Variants in AGMO observed in about 807,000 individuals in gnomAD.
AGMO encodes the protein glyceryl-ether monooxygenase.
Under a neutral mutation model 60.2 loss-of-function variants are expected in AGMO, and 75 were observed. The ratio of observed to expected loss-of-function variants is 1.25; its 90% CI spans 1.03 to 1.51. The LOEUF is 1.51. Among genes scored for constraint, AGMO ranks in the 40% most tolerant of loss-of-function variants. The pLI is 0.00. For missense variants in AGMO, 763 were observed against 525.5 expected (o/e 1.45, Z -4.42); for synonymous variants, 261 against 177.1 (o/e 1.47, Z -3.76).
intron 3 of AGMO, among the ~76,000 whole-genome samples, chr7:15,534,591 G>A (rs77138962): frequency 0.014 from 2,195 of 151,918 alleles, 55 homozygotes; most frequent in African/African-American, 0.05. Context: ...TCATTTTCCT[G>A]TAGAGGCATC....
intron 3 of AGMO, among the ~76,000 whole-genome samples, chr7:15,449,813 C>G (rs569315438): frequency 1.3e-5 from 2 of 152,212 alleles, no homozygotes; most frequent in South Asian, 4.1e-4. Flanking sequence ...TTTTTAGGTA[C>G]TATTACTAAT....
rs539691431 is a variant in AGMO, at chr7:15,355,436, G to T, written c.1263+10078C>A. 3.6e-3 allele frequency among the ~76,000 whole-genome samples: 500 copies of T among 139,522 alleles called. 2 individuals carry two copies. Among genetic ancestry groups the T allele is most frequent in the Non-Finnish European group, 4.2e-3 (278 of 66,580 alleles). 91.5% of individuals were successfully genotyped at this position (139,522 alleles called of 152,430 possible). On this transcript the variant is annotated intron_variant, in intron 12 of 12. Coordinates refer to ENST00000342526, the MANE Select transcript of AGMO (RefSeq NM_001004320.2). ...GAGAACAGCGTGAACCTGGGAGGTGGAGCTTGCAGTGAGCCCAGATCATGC... is the reference window on the plus strand; with the variant it reads ...GAGAACAGCGTGAACCTGGGAGGTGTAGCTTGCAGTGAGCCCAGATCATGC...
chr7:15,561,128 G>C (rs1057337129), intron 1 of AGMO, among the ~76,000 whole-genome samples: 2 of 152,056 alleles, frequency 1.3e-5, no homozygotes, highest in Admixed American at 6.6e-5. Flanking sequence ...ACTTTGATAG[G>C]GTGGGGAACT....
chr7:15,425,703 G>A (rs529206725), intron 4 of AGMO, among the ~76,000 whole-genome samples: 1 of 152,116 alleles, frequency 6.6e-6, no homozygotes, highest in Non-Finnish European at 1.5e-5. Flanking sequence ...GCCTCCCAAA[G>A]TACTGGGATT....
chr7:15,344,690 C>G (rs750584381), intron 12 of AGMO, among the ~76,000 whole-genome samples: 6 of 152,014 alleles, frequency 3.9e-5, no homozygotes, highest in Non-Finnish European at 5.9e-5. Flanking sequence ...AGAGCAAGAT[C>G]CTGTCTCAAA....
Position 15,322,549 on chromosome 7 carries a change from TATATATAAATATATAA to T in AGMO, c.1263+42949_1263+42964del, listed in dbSNP as rs1227938767. Among the ~76,000 whole-genome samples, 55 of 58,892 alleles carry T rather than the reference TATATATAAATATATAA, an allele frequency of 9.3e-4. 1 individual carries two copies. The highest frequency in any genetic ancestry group is 2.5e-3 in the South Asian group (5 of 2,002). 38.6% of individuals were successfully genotyped at this position (58,892 alleles called of 152,430 possible). A position where few individuals can be genotyped will look rare whatever the true frequency, so the allele number is the denominator to read the frequency against. On this transcript the variant is annotated intron_variant, in intron 12 of 12. Transcript: ENST00000342526. Reference sequence around the variant, plus strand: ...ATAAATATATAAATATATATATAAATATATATAAATATATAAATATATATAAATATATATAAATATA... The same window carrying T: ...ATAAATATATAAATATATATATAAATATATATATAAATATATATAAATATA...
chr7:15,366,232 A>C lies in AGMO; in HGVS notation c.1075-10T>G. 2 of 1,594,502 alleles carry C rather than the reference A, an allele frequency of 1.3e-6. No homozygotes were observed. The highest frequency in any genetic ancestry group is 1.7e-6 in the Non-Finnish European group (2 of 1,168,094). On this transcript the variant is annotated splice_polypyrimidine_tract_variant and intron_variant, in intron 10 of 12. Coordinates refer to ENST00000342526, the MANE Select transcript of AGMO (RefSeq NM_001004320.2). ...TAACTTGCGACAGTGCCTGTCAAAC[A>C]AACACGGAGATCAATGGAGCCGTTA...
chr7:15,292,896 T>C (rs2128522811), intron 12 of AGMO, among the ~76,000 whole-genome samples: 1 of 151,740 alleles, frequency 6.6e-6, no homozygotes, highest in Non-Finnish European at 1.5e-5. Context: ...TAGCTGGGAT[T>C]ACAAGCACCC....
At position 15,385,489 on chromosome 7, in the gene AGMO, G is replaced by A; in HGVS notation, c.1031C>T (p.Ala344Val). 1.2e-6 allele frequency: 2 copies of A among 1,612,844 alleles called. No homozygotes were observed. The highest frequency in any genetic ancestry group is 2.2e-5 in the East Asian group (1 of 44,796). The change falls in exon 10 of 13, where the codon GCT (alanine) becomes GTT (valine). Residue 344 changes from alanine (A) to valine (V), a missense_variant. Ala to Val is a moderately conservative substitution (Grantham distance 64). Transcript: ENST00000342526. The stretch of plus-strand genomic sequence containing the variant: ...CTCTTCATAAAATGCCAACATCAGA[G>A]CAAACTGTACAACTGTATATATCTT... Reference protein sequence around the residue: ...LLKIYTVVQFALMLAFYEETF... With the variant: ...LLKIYTVVQFVLMLAFYEETF...
intron 3 of AGMO, among the ~76,000 whole-genome samples, chr7:15,462,799 C>CATAA (rs1319186224): frequency 6.6e-6 from 1 of 151,984 alleles, no homozygotes; most frequent in Non-Finnish European, 1.5e-5. Context: ...TAAATGAATC[C>CATAA]ATGCAAAATA....
intron 2 of AGMO, among the ~76,000 whole-genome samples, chr7:15,547,698 C>A (rs1178749741): frequency 2.0e-5 from 3 of 152,148 alleles, no homozygotes; most frequent in East Asian, 3.9e-4. Flanking sequence ...GCTAGCACAG[C>A]AGTCTGAGAT....
intron 12 of AGMO, among the ~76,000 whole-genome samples, chr7:15,244,915 G>C (rs1384387152): frequency 6.6e-6 from 1 of 152,320 alleles, no homozygotes; most frequent in East Asian, 1.9e-4. Context: ...GTCTCCCAAA[G>C]TGTTGGGATT....
chr7:15,197,632 C>T (rs904302496), downstream of AGMO, among the ~76,000 whole-genome samples: 9 of 152,186 alleles, frequency 5.9e-5, no homozygotes, highest in African/African-American at 2.2e-4. Flanking sequence ...GTCCTGTAGC[C>T]TCTTTCAGAC....
chr7:15,172,473 A>T, the AGMO span, among the ~76,000 whole-genome samples: 1 of 152,218 alleles, frequency 6.6e-6, no homozygotes, highest in African/African-American at 2.4e-5. Context: ...AGTGAGGCAG[A>T]TTCAGTAATC....
chr7:15,515,275 C>A (rs995829031), intron 3 of AGMO, among the ~76,000 whole-genome samples: 1 of 152,210 alleles, frequency 6.6e-6, no homozygotes, highest in Non-Finnish European at 1.5e-5. Flanking sequence ...GACCTCCTTC[C>A]TAATTCACTT....
the AGMO span, among the ~76,000 whole-genome samples, chr7:15,129,319 G>T: frequency 5.2e-4 from 79 of 152,158 alleles, no homozygotes; most frequent in Non-Finnish European, 1.3e-4. Flanking sequence ...CAGCTTCTCA[G>T]TTAACACATA....
intron 12 of AGMO, among the ~76,000 whole-genome samples, chr7:15,288,465 T>C (rs1038970323): frequency 1.3e-5 from 2 of 152,112 alleles, no homozygotes; most frequent in African/African-American, 4.8e-5. Context: ...TACATAAAAA[T>C]GAATCTTTTA....
chr7:15,471,659 G>C (rs1029661931), intron 3 of AGMO, among the ~76,000 whole-genome samples: 3 of 151,860 alleles, frequency 2.0e-5, no homozygotes, highest in Non-Finnish European at 4.4e-5. Context: ...ACATATGACT[G>C]TTTCCAGGCT....
intron 4 of AGMO, among the ~76,000 whole-genome samples, chr7:15,424,925 T>A (rs4721439): frequency 0.53 from 81,133 of 152,022 alleles, 21,826 homozygotes; most frequent in Middle Eastern, 0.67. Context: ...TAAGTCCAAC[T>A]CCCACATATT....
Sources: gnomAD v4.1 joint callset for allele counts (sites outside exome capture counted in the v4.1 genomes callset) on GRCh38, gnomAD v4.1.1 for gene constraint, MANE v1.5 for transcripts, NCBI Gene and HGNC (gene_info 2026-07-23, HGNC 2026-07-21) for gene names.